SNTG1: variants seen among roughly 807,000 people sequenced by gnomAD.
The protein encoded by SNTG1 is syntrophin gamma 1.
Under a neutral mutation model 74.7 loss-of-function variants are expected in SNTG1, and 39 were observed. The observed-to-expected ratio is 0.52, with a 90% CI of 0.40 to 0.68. The LOEUF is 0.68. Ranked by LOEUF, SNTG1 falls within the 30% of genes least tolerant of loss-of-function variation. The pLI, the probability that SNTG1 is intolerant of heterozygous loss-of-function variation, is 0.00. For missense variants in SNTG1, 685 were observed against 609.5 expected (o/e 1.12, Z -1.30); for synonymous variants, 254 against 217.1 (o/e 1.17, Z -1.49).
intron 17 of SNTG1, among the ~76,000 whole-genome samples, chr8:50,735,161 T>C (rs1421511858): frequency 1.3e-5 from 2 of 151,504 alleles, no homozygotes; most frequent in Non-Finnish European, 3.0e-5. Context: ...GCCCGACATA[T>C]TGGATTTAAA....
intron 4 of SNTG1, among the ~76,000 whole-genome samples, chr8:50,413,702 T>C (rs2092979405): frequency 6.6e-6 from 1 of 152,208 alleles, no homozygotes. Context: ...AACATTTGGA[T>C]GGATGTTAGA....
At chr8:50,763,887 AC>A (rs2095606350) in intron 18 of SNTG1, among the ~76,000 whole-genome samples, 3 of 137,962 alleles carry the variant, frequency 2.2e-5, no homozygotes, top group African/African-American at 3.2e-5. Context: ...ACACACACAC[AC>A]ACACACACAC....
At chr8:50,177,125 A>T (rs961342845) in intron 2 of SNTG1, among the ~76,000 whole-genome samples, 2 of 152,220 alleles carry the variant, frequency 1.3e-5, no homozygotes, top group Non-Finnish European at 2.9e-5. Context: ...AAAGCAAAAA[A>T]GTCTCAAAAA....
At chr8:50,016,599 A>T (rs1816339751) in intron 1 of SNTG1, among the ~76,000 whole-genome samples, 1 of 152,084 alleles carries the variant, frequency 6.6e-6, no homozygotes, top group South Asian at 2.1e-4. Flanking sequence ...GCAGTTTCTC[A>T]GCCAAATGCA....
intron 12 of SNTG1, among the ~76,000 whole-genome samples, chr8:50,576,315 A>T (rs1252019286): frequency 6.6e-6 from 1 of 152,128 alleles, no homozygotes; most frequent in East Asian, 1.9e-4. Flanking sequence ...TCTGGACTCT[A>T]TTCTATTCTA....
At chr8:50,244,357 G>C (rs185899297) in intron 2 of SNTG1, among the ~76,000 whole-genome samples, 163 of 152,252 alleles carry the variant, frequency 1.1e-3, no homozygotes, top group African/African-American at 3.7e-3. Flanking sequence ...AAGGCTTTTA[G>C]TAAGTGGGGA....
chr8:50,447,517 T>G (rs2093417689), intron 5 of SNTG1, among the ~76,000 whole-genome samples: 1 of 152,216 alleles, frequency 6.6e-6, no homozygotes, highest in Non-Finnish European at 1.5e-5. Flanking sequence ...CTTAACATCC[T>G]TTCTAATTTC....
chr8:49,929,497 T>G (rs190958090), intron 1 of SNTG1, among the ~76,000 whole-genome samples: 1 of 152,290 alleles, frequency 6.6e-6, no homozygotes, highest in East Asian at 1.9e-4. Flanking sequence ...AATGGAGGTC[T>G]TTTGTGAGGT....
intron 2 of SNTG1, among the ~76,000 whole-genome samples, chr8:50,218,064 C>T (rs1458364540): frequency 6.6e-6 from 1 of 152,194 alleles, no homozygotes; most frequent in East Asian, 1.9e-4. Context: ...GCCATTATTT[C>T]AGCACGAGCT....
chr8:50,641,439 T>C (rs1166341626), intron 13 of SNTG1, among the ~76,000 whole-genome samples: 3 of 152,212 alleles, frequency 2.0e-5, no homozygotes, highest in Non-Finnish European at 4.4e-5. Context: ...TGTTGCTCAC[T>C]CAAGCACATT....
Position 50,442,680 on chromosome 8 carries a change from T to TAAAAAAAA in SNTG1, c.219+4101_219+4108dup, listed in dbSNP as rs5891365. Among the ~76,000 whole-genome samples, 120 of 81,162 alleles carry TAAAAAAAA rather than the reference T, an allele frequency of 1.5e-3. 3 individuals carry two copies. The highest frequency in any genetic ancestry group is 5.0e-3 in the African/African-American group (99 of 19,644). The allele number at this position is 81,162 out of a possible 152,430, so 53.2% of individuals were successfully genotyped here. ...TTCTTTGTATTAATTTGTCTATCAG[T>TAAAAAAAA]AAAAAAAAAAAAAAAAAAAAAAAAA... On this transcript the variant is annotated intron_variant, in intron 5 of 18. Coordinates refer to ENST00000642720, the MANE Select transcript of SNTG1 (RefSeq NM_018967.5).
At chr8:50,586,046 C>A (rs1057096176) in intron 12 of SNTG1, among the ~76,000 whole-genome samples, 5 of 152,160 alleles carry the variant, frequency 3.3e-5, no homozygotes, top group African/African-American at 1.2e-4. Flanking sequence ...TCATTCCCCA[C>A]CCAGCCTGAT....
intron 1 of SNTG1, among the ~76,000 whole-genome samples, chr8:50,164,794 T>A (rs2082556240): frequency 6.6e-6 from 1 of 152,228 alleles, no homozygotes; most frequent in African/African-American, 2.4e-5. Context: ...TATCTCCAAC[T>A]ATGAATTCTA....
At chr8:50,391,182 A>G (rs1349609932) in intron 2 of SNTG1, among the ~76,000 whole-genome samples, 1 of 152,170 alleles carries the variant, frequency 6.6e-6, no homozygotes, top group Non-Finnish European at 1.5e-5. Context: ...GTTTTTGCCC[A>G]TTCAGTATGA....
rs192481594 is a variant in SNTG1, at chr8:50,521,883, A to G, written c.467-8294A>G. The stretch of plus-strand genomic sequence containing the variant: ...TTCTCCAGCTATTTCCATCACATCT[A>G]CTCTTACTGCCTCTACTTGAGAAGT... On this transcript the variant is annotated intron_variant, in intron 9 of 18. Transcript: ENST00000642720. 1.8e-3 allele frequency among the ~76,000 whole-genome samples: 275 copies of G among 151,826 alleles called. 4 individuals carry two copies. Among genetic ancestry groups the G allele is most frequent in the African/African-American group, 6.3e-3 (260 of 41,416 alleles).
chr8:50,267,677 C>G (rs1232763754), intron 2 of SNTG1, among the ~76,000 whole-genome samples: 1 of 152,092 alleles, frequency 6.6e-6, no homozygotes, highest in Non-Finnish European at 1.5e-5. Context: ...ATGTAATCCA[C>G]CATATTAATG....
chr8:50,060,079 A>T lies in SNTG1; in HGVS notation c.-102-112482A>T, dbSNP rs77666976. Among the ~76,000 whole-genome samples, 1,193 of 152,144 alleles carry T rather than the reference A, an allele frequency of 7.8e-3. 54 individuals carry two copies. The East Asian group carries it at 0.14, about 18-fold the overall frequency. On this transcript the variant is annotated intron_variant, in intron 1 of 18. Coordinates refer to ENST00000642720, the MANE Select transcript of SNTG1 (RefSeq NM_018967.5). ...GTAACTTACAGTAAAGGTGGTTTTGATTGGCATTTTCCTGATGGCTAATGA... is the reference window on the plus strand; with the variant it reads ...GTAACTTACAGTAAAGGTGGTTTTGTTTGGCATTTTCCTGATGGCTAATGA...
chr8:50,499,707 C>T (rs1382116323), intron 8 of SNTG1, among the ~76,000 whole-genome samples: 4 of 151,594 alleles, frequency 2.6e-5, no homozygotes, highest in Non-Finnish European at 4.4e-5. Context: ...GAGGAAGTTC[C>T]GTTCTACCAT....
intron 2 of SNTG1, among the ~76,000 whole-genome samples, chr8:50,309,916 T>C (rs2090041676): frequency 6.6e-6 from 1 of 152,230 alleles, no homozygotes; most frequent in Non-Finnish European, 1.5e-5. Context: ...CTGAGACAAT[T>C]AACTGGAAAA....
Sources: allele counts gnomAD v4.1 joint callset (sites outside exome capture counted in the v4.1 genomes callset), GRCh38; gene constraint gnomAD v4.1.1; transcripts MANE v1.5; gene names NCBI Gene and HGNC (gene_info 2026-07-23, HGNC 2026-07-21).